EPHA6: variants seen among roughly 807,000 people sequenced by gnomAD.
The protein encoded by EPHA6 is EPH receptor A6.
In EPHA6, 50 loss-of-function variants were observed where a neutral mutation model predicts 112.0. That is an observed-to-expected ratio of 0.45 (90% CI 0.36 to 0.56). The LOEUF (loss-of-function observed/expected upper bound fraction) is 0.56, where lower values mean the gene tolerates loss of function less well. EPHA6 is among the 20% of genes least tolerant of loss of function. The pLI is 0.00. For missense variants in EPHA6, 1,280 were observed against 1,417.4 expected (o/e 0.90, Z 1.56); for synonymous variants, 529 against 490.7 (o/e 1.08, Z -1.03).
chr3:97,441,557 T>C, intron 6 of EPHA6: 1 of 430,994 alleles, frequency 2.3e-6, no homozygotes, highest in Non-Finnish European at 3.1e-6. Context: ...CTGTTTTTAC[T>C]GTTACTTTGC....
chr3:97,310,726 C>T (rs972205644), intron 5 of EPHA6, among the ~76,000 whole-genome samples: 1 of 151,580 alleles, frequency 6.6e-6, no homozygotes, highest in African/African-American at 2.4e-5. Context: ...GATCCTCTCT[C>T]AACTAGATTA....
At chr3:97,546,949 T>G (rs2092959451) in intron 11 of EPHA6, among the ~76,000 whole-genome samples, 2 of 152,234 alleles carry the variant, frequency 1.3e-5, no homozygotes, top group South Asian at 2.1e-4. Flanking sequence ...CATTGGTTAT[T>G]CTAGTTATCC....
chr3:97,342,749 A>G (rs1184307292), intron 5 of EPHA6, among the ~76,000 whole-genome samples: 1 of 152,100 alleles, frequency 6.6e-6, no homozygotes, highest in East Asian at 1.9e-4. Context: ...TGCCATGGAA[A>G]GATAAAATAA....
chr3:97,499,377 T>A (rs2092061963), intron 10 of EPHA6, among the ~76,000 whole-genome samples: 1 of 152,204 alleles, frequency 6.6e-6, no homozygotes, highest in African/African-American at 2.4e-5. Context: ...ACAAATATAG[T>A]CACTATGTTT....
chr3:97,142,571 C>T (rs540960412), intron 3 of EPHA6, among the ~76,000 whole-genome samples: 1 of 151,910 alleles, frequency 6.6e-6, no homozygotes, highest in East Asian at 1.9e-4. Context: ...CTAGAGGAAA[C>T]AGGTAAATTT....
At chr3:97,396,484 A>G (rs1010911171) in intron 5 of EPHA6, among the ~76,000 whole-genome samples, 1 of 151,422 alleles carries the variant, frequency 6.6e-6, no homozygotes, top group African/African-American at 2.4e-5. Context: ...TTAAAAAATA[A>G]CATTTTCAAA....
chr3:97,256,303 C>A (rs533554175), intron 5 of EPHA6, among the ~76,000 whole-genome samples: 5 of 152,142 alleles, frequency 3.3e-5, no homozygotes, highest in Admixed American at 6.5e-5. Context: ...TATCTGCCTT[C>A]ATGTGACTTT....
intron 13 of EPHA6, among the ~76,000 whole-genome samples, chr3:97,636,880 A>T (rs915933010): frequency 3.9e-5 from 6 of 152,108 alleles, no homozygotes; most frequent in African/African-American, 1.4e-4. Flanking sequence ...ATGTTGCATG[A>T]TGTATAAAAA....
intron 11 of EPHA6, among the ~76,000 whole-genome samples, chr3:97,564,819 C>T (rs905018733): frequency 1.3e-5 from 2 of 152,122 alleles, no homozygotes; most frequent in South Asian, 2.1e-4. Context: ...CTATTATACA[C>T]TCTAAGGCCA....
chr3:97,614,550 C>T (rs978434913), intron 13 of EPHA6, among the ~76,000 whole-genome samples: 2 of 127,480 alleles, frequency 1.6e-5, no homozygotes, highest in African/African-American at 5.7e-5. Flanking sequence ...GACGGGGTTT[C>T]ACCACATTGG....
chr3:97,067,328 A>T (rs1194435853), intron 3 of EPHA6, among the ~76,000 whole-genome samples: 1 of 152,156 alleles, frequency 6.6e-6, no homozygotes, highest in East Asian at 1.9e-4. Flanking sequence ...TGAGTAAAAG[A>T]CAATCTGTGT....
chr3:96,997,709 T>C (rs1456175624), intron 3 of EPHA6, among the ~76,000 whole-genome samples: 1 of 152,042 alleles, frequency 6.6e-6, no homozygotes, highest in Admixed American at 6.6e-5. Flanking sequence ...TCTGTTATGG[T>C]GACCTATGAT....
chr3:97,699,389 C>CA (rs1266909982), intron 14 of EPHA6, among the ~76,000 whole-genome samples: 1 of 152,198 alleles, frequency 6.6e-6, no homozygotes, highest in African/African-American at 2.4e-5. Context: ...AACACTGTTG[C>CA]AAGCACTTTG....
At chr3:97,183,501 A>G (rs921307403) in intron 3 of EPHA6, among the ~76,000 whole-genome samples, 2 of 152,192 alleles carry the variant, frequency 1.3e-5, no homozygotes, top group African/African-American at 4.8e-5. Context: ...ACTCTCAGCT[A>G]TACATTTTGA....
At chr3:97,181,575 G>A (rs561863023) in intron 3 of EPHA6, among the ~76,000 whole-genome samples, 3 of 132,910 alleles carry the variant, frequency 2.3e-5, no homozygotes, top group South Asian at 4.3e-4. Context: ...TAGCAGAAGT[G>A]TATATATATA....
chr3:97,107,698 T>C (rs565470608), intron 3 of EPHA6, among the ~76,000 whole-genome samples: 7 of 152,148 alleles, frequency 4.6e-5, no homozygotes, highest in Non-Finnish European at 8.8e-5. Flanking sequence ...CAGAGTCTAT[T>C]TCATGTCCAT....
chr3:97,187,665 AAGAAAGAAAG>A (rs1331377833), intron 3 of EPHA6, among the ~76,000 whole-genome samples: 5 of 131,588 alleles, frequency 3.8e-5, no homozygotes, highest in African/African-American at 1.2e-4. Context: ...AAAGAAAGGA[AAGAAAGAAAG>A]AGAAAGAAAG....
rs180780564 is a variant in EPHA6 at position 97,640,305 on chromosome 3, C to G, written c.2784+2223C>G. On this transcript the variant is annotated intron_variant, in intron 14 of 17. Coordinates refer to ENST00000389672, the MANE Select transcript of EPHA6 (RefSeq NM_001080448.3). Reference sequence around the variant, plus strand: ...AATGCAAAAAAGTGAATGGGCCTATCGATGAAAATTTGGGGCCATAGGCAA... The same window carrying G: ...AATGCAAAAAAGTGAATGGGCCTATGGATGAAAATTTGGGGCCATAGGCAA... 5.3e-5 allele frequency among the ~76,000 whole-genome samples: 8 copies of G among 152,108 alleles called. No individual in the cohort carries two copies. In the East Asian group the frequency reaches 1.5e-3, roughly 29 times the overall value.
At chr3:97,728,728 AGG>A (rs981507638) in intron 15 of EPHA6, among the ~76,000 whole-genome samples, 6 of 152,164 alleles carry the variant, frequency 3.9e-5, no homozygotes, top group Non-Finnish European at 7.4e-5. Flanking sequence ...ACTTGCCCAA[AGG>A]CAGAGCTTGG....
Sources: allele counts gnomAD v4.1 joint callset (sites outside exome capture counted in the v4.1 genomes callset), GRCh38; gene constraint gnomAD v4.1.1; transcripts MANE v1.5; gene names NCBI Gene and HGNC (gene_info 2026-07-23, HGNC 2026-07-21).